The following RANBP17 variants were observed in gnomAD, a reference collection of about 807,000 sequenced individuals.
RANBP17 encodes the protein RAN binding protein 17, also known as ran-binding protein 17.
A neutral mutation model predicts 141.2 loss-of-function variants in RANBP17; 158 were observed. The observed-to-expected ratio is 1.12, with a 90% CI of 0.98 to 1.28. The LOEUF (loss-of-function observed/expected upper bound fraction) is 1.28. RANBP17 is among the 50% of genes most tolerant of loss of function. RANBP17 has a pLI of 0.00. For missense variants in RANBP17, 1,438 were observed against 1,290.7 expected, an observed-to-expected ratio of 1.11 and a Z score of -1.75; for synonymous variants, 430 against 450.0, an observed-to-expected ratio of 0.96 and a Z score of 0.56.
chr5:171,130,135 G>A (rs1338311047), intron 14 of RANBP17, among the ~76,000 whole-genome samples: 1 of 152,070 alleles, frequency 6.6e-6, no homozygotes, highest in African/African-American at 2.4e-5. Context: ...CATTGTTGAA[G>A]TAAAACTCAC....
chr5:170,999,984 G>A (rs1037362672), intron 14 of RANBP17, among the ~76,000 whole-genome samples: 4 of 152,100 alleles, frequency 2.6e-5, no homozygotes, highest in African/African-American at 9.7e-5. Flanking sequence ...CATGTAAGTG[G>A]AATCACATGG....
chr5:171,235,133 C>T (rs1270511728), intron 22 of RANBP17, among the ~76,000 whole-genome samples: 1 of 152,090 alleles, frequency 6.6e-6, no homozygotes, highest in African/African-American at 2.4e-5. Flanking sequence ...CGAAAGCTGC[C>T]AGTCAATCAA....
chr5:171,253,349 T>G lies in RANBP17; in HGVS notation c.2776+10529T>G, dbSNP rs1765697125. ...CAGTAGAAAGAATCGGAATCTGTGC[T>G]GTACTGATAAGGAGATGATGTTGAA... On this transcript the variant is annotated intron_variant, in intron 24 of 27. Coordinates refer to ENST00000523189, the MANE Select transcript of RANBP17 (RefSeq NM_022897.5). Among the ~76,000 whole-genome samples, 3 of 152,356 alleles carry G rather than the reference T, an allele frequency of 2.0e-5. No homozygotes were observed. The South Asian group carries it at 6.2e-4, about 32-fold the overall frequency.
intron 14 of RANBP17, among the ~76,000 whole-genome samples, chr5:171,119,597 T>C (rs1235828287): frequency 6.6e-6 from 1 of 152,210 alleles, no homozygotes; most frequent in Non-Finnish European, 1.5e-5. Flanking sequence ...TTTTGATTTT[T>C]CCCCATTCCA....
At chr5:171,294,159 ATCT>A (rs1169025975) in intron 26 of RANBP17, among the ~76,000 whole-genome samples, 178 bp downstream of exon 26, 1 of 152,088 alleles carries the variant, frequency 6.6e-6, no homozygotes, top group Non-Finnish European at 1.5e-5. Context: ...AAGGCCTCAG[ATCT>A]TCTTCAGGTA....
chr5:171,007,336 A>C (rs1198657189), intron 14 of RANBP17, among the ~76,000 whole-genome samples: 4 of 147,652 alleles, frequency 2.7e-5, no homozygotes, highest in Non-Finnish European at 4.5e-5. Context: ...AGTTGCAGAA[A>C]GAAACTGTAA....
intron 27 of RANBP17, 46 bp downstream of exon 27, chr5:171,296,060 A>G (rs372925715): frequency 1.9e-6 from 3 of 1,587,462 alleles, no homozygotes; most frequent in African/African-American, 2.7e-5. Flanking sequence ...TAGACATTCC[A>G]GGTTTGTTGA....
chr5:171,221,006 G>A (rs1244516064), intron 21 of RANBP17, among the ~76,000 whole-genome samples: 1 of 152,086 alleles, frequency 6.6e-6, no homozygotes, highest in Non-Finnish European at 1.5e-5. Flanking sequence ...CAGGTCTTTA[G>A]CAATGTCTTG....
intron 16 of RANBP17, among the ~76,000 whole-genome samples, chr5:171,176,981 C>T (rs1232861282): frequency 6.6e-6 from 1 of 152,118 alleles, no homozygotes; most frequent in African/African-American, 2.4e-5. Flanking sequence ...AACTATTTAG[C>T]AATAAACAGT....
intron 14 of RANBP17, among the ~76,000 whole-genome samples, chr5:170,973,820 GC>G (rs2127538549): frequency 6.6e-6 from 1 of 152,264 alleles, no homozygotes; most frequent in Admixed American, 6.5e-5. Context: ...CATAGTTGGT[GC>G]CGTCTCTCTG....
chr5:170,897,157 A>G (rs1236250707), intron 5 of RANBP17: 14 of 809,986 alleles, frequency 1.7e-5, no homozygotes, highest in South Asian at 2.6e-5. Context: ...TTGATACCAA[A>G]CAGCTCATCA....
chr5:170,985,540 G>A (rs1778087128), intron 14 of RANBP17, among the ~76,000 whole-genome samples: 1 of 152,094 alleles, frequency 6.6e-6, no homozygotes, highest in Non-Finnish European at 1.5e-5. Flanking sequence ...TTCATTCCTT[G>A]TTTTGATATC....
Position 170,881,888 on chromosome 5 carries a change from T to A in RANBP17, c.248T>A (p.Met83Lys). Reference sequence around the variant, plus strand: ...AGTCCTTTACCTGTTGAGCAGAGGATGGACATCAGTAAGTGGCTTATTATG... The same window carrying A: ...AGTCCTTTACCTGTTGAGCAGAGGAAGGACATCAGTAAGTGGCTTATTATG... ...RVSPLPVEQRMDIRNYILNYV... is the reference protein window; with the variant it reads ...RVSPLPVEQRKDIRNYILNYV... Residue 83 changes from methionine to lysine, a missense_variant, in exon 3 of 28, where the codon ATG becomes AAG. By Grantham distance (95) the Met-to-Lys change is moderately conservative (BLOSUM62 -1). Coordinates refer to ENST00000523189, the MANE Select transcript of RANBP17 (RefSeq NM_022897.5). The A allele has an allele frequency of 6.3e-7, 1 of 1,595,264 alleles. No individual in the cohort carries two copies. The highest frequency in any genetic ancestry group is 8.5e-7 in the Non-Finnish European group (1 of 1,172,426).
intron 14 of RANBP17, among the ~76,000 whole-genome samples, chr5:171,161,660 A>G (rs1759362829): frequency 1.3e-5 from 2 of 152,236 alleles, no homozygotes; most frequent in African/African-American, 4.8e-5. Flanking sequence ...TTAGTAGTCC[A>G]CTAATAAGCA....
intron 3 of RANBP17, among the ~76,000 whole-genome samples, chr5:170,884,285 A>C (rs1561853895): frequency 1.3e-5 from 2 of 152,174 alleles, no homozygotes; most frequent in South Asian, 2.1e-4. Context: ...CCCCCTGCGC[A>C]ATCAAAAAGT....
Position 171,205,522 on chromosome 5 carries a change from A to G in RANBP17, c.2143-2A>G, listed in dbSNP as rs1411455188. ...ATTACTGTGTCTCTTTCCCACTGACAGCGTATGTTGATCGGGCTGGCAAGA... is the reference window on the plus strand; with the variant it reads ...ATTACTGTGTCTCTTTCCCACTGACGGCGTATGTTGATCGGGCTGGCAAGA... On this transcript the variant is annotated splice_acceptor_variant, in intron 19 of 27. Transcript: ENST00000523189. LOFTEE classifies it high-confidence loss of function. The G allele has an allele frequency of 2.5e-6, 4 of 1,613,150 alleles. No individual in the cohort carries two copies. The highest frequency in any genetic ancestry group is 4.5e-5 in the East Asian group (2 of 44,886).
intron 2 of RANBP17, among the ~76,000 whole-genome samples, chr5:170,879,220 A>G (rs1447881724): frequency 6.6e-6 from 1 of 152,148 alleles, no homozygotes; most frequent in Non-Finnish European, 1.5e-5. Flanking sequence ...CCATGAGCAT[A>G]TGATTATAAT....
At chr5:170,919,710 CA>C (rs1331391592) in intron 11 of RANBP17, 97 bp downstream of exon 11, 1 of 889,926 alleles carries the variant, frequency 1.1e-6, no homozygotes, top group African/African-American at 1.7e-5. Context: ...TTTTAGCGTA[CA>C]GTTGTATGAT....
intron 22 of RANBP17, among the ~76,000 whole-genome samples, chr5:171,223,528 A>C (rs1039336809): frequency 6.6e-6 from 1 of 152,130 alleles, no homozygotes; most frequent in African/African-American, 2.4e-5. Context: ...CCAGCTACTC[A>C]GGAGGCTGAG....
Sources: gnomAD v4.1 joint callset for allele counts (sites outside exome capture counted in the v4.1 genomes callset) on GRCh38, gnomAD v4.1.1 for gene constraint, MANE v1.5 for transcripts, NCBI Gene and HGNC (gene_info 2026-07-23, HGNC 2026-07-21) for gene names.